PTPRD: variants seen among roughly 807,000 people sequenced by gnomAD.
PTPRD encodes the protein receptor-type tyrosine-protein phosphatase delta.
A neutral mutation model predicts 214.5 loss-of-function variants in PTPRD; 34 were observed. The observed-to-expected ratio is 0.16, with a 90% CI of 0.12 to 0.21. The LOEUF is 0.21. PTPRD is among the 10% of genes least tolerant of loss of function. The probability of loss-of-function intolerance (pLI) is 1.00; values close to 1 mark genes in which losing one functional copy is unlikely to be tolerated. For missense variants in PTPRD, 2,545 were observed against 2,398.7 expected (o/e 1.06, Z -1.27); for synonymous variants, 1,128 against 845.7 (o/e 1.33, Z -5.79).
chr9:10,362,536 G>A (rs541985152), intron 2 of PTPRD, among the ~76,000 whole-genome samples: 127 of 151,962 alleles, frequency 8.4e-4, no homozygotes, highest in Non-Finnish European at 1.3e-3. Flanking sequence ...TCTTACACAC[G>A]AATTTTCTCT....
chr9:8,895,896 C>G (rs2098605817), intron 11 of PTPRD, among the ~76,000 whole-genome samples: 1 of 152,186 alleles, frequency 6.6e-6, no homozygotes, highest in African/African-American at 2.4e-5. Context: ...AGCCGAATAG[C>G]ACTTGTTAAT....
intron 11 of PTPRD, among the ~76,000 whole-genome samples, chr9:8,766,334 A>G (rs545243020): frequency 1.4e-4 from 21 of 152,168 alleles, no homozygotes; most frequent in South Asian, 2.1e-4. Flanking sequence ...CAGTGTATCT[A>G]AAGTGTCCCA....
At chr9:9,285,426 C>T (rs1473725744) in intron 9 of PTPRD, among the ~76,000 whole-genome samples, 1 of 151,666 alleles carries the variant, frequency 6.6e-6, no homozygotes, top group African/African-American at 2.4e-5. Flanking sequence ...CAAACTATCA[C>T]TCAATATTTC....
At chr9:8,465,433 C>T in intron 32 of PTPRD, 33 bp downstream of exon 32, 3 of 1,583,056 alleles carry the variant, frequency 1.9e-6, no homozygotes, top group Non-Finnish European at 2.6e-6. Flanking sequence ...ATAAGCGTAC[C>T]ATAGGAAACA....
intron 10 of PTPRD, among the ~76,000 whole-genome samples, chr9:9,124,823 C>A (rs954918189): frequency 2.0e-5 from 3 of 152,166 alleles, no homozygotes; most frequent in Non-Finnish European, 4.4e-5. Flanking sequence ...CAAATCTGGG[C>A]AATTTTCCCT....
intron 3 of PTPRD, among the ~76,000 whole-genome samples, chr9:10,268,216 G>A (rs1369764610): frequency 6.7e-6 from 1 of 150,184 alleles, no homozygotes; most frequent in Non-Finnish European, 1.5e-5. Context: ...CTTGAACCCA[G>A]GAGTTGCAGG....
At chr9:10,496,896 T>C (rs1482011691) in intron 2 of PTPRD, among the ~76,000 whole-genome samples, 1 of 152,060 alleles carries the variant, frequency 6.6e-6, no homozygotes, top group Non-Finnish European at 1.5e-5. Flanking sequence ...TTTTCTCCCA[T>C]TCTGTAGACT....
At chr9:9,523,535 T>C (rs1008068481) in intron 8 of PTPRD, among the ~76,000 whole-genome samples, 5 of 152,190 alleles carry the variant, frequency 3.3e-5, no homozygotes, top group African/African-American at 1.2e-4. Context: ...ATCTATCTCT[T>C]TGCTTATCTA....
intron 23 of PTPRD, among the ~76,000 whole-genome samples, chr9:8,502,049 T>C (rs2097421732): frequency 6.6e-6 from 1 of 152,152 alleles, no homozygotes; most frequent in Non-Finnish European, 1.5e-5. Context: ...ATTCATACAA[T>C]GTAGGGTTTA....
chr9:8,962,469 T>G (rs190534192), intron 11 of PTPRD, among the ~76,000 whole-genome samples: 1 of 152,024 alleles, frequency 6.6e-6, no homozygotes, highest in African/African-American at 2.4e-5. Flanking sequence ...GGCAGTCATC[T>G]TCCCTACCAA....
intron 5 of PTPRD, among the ~76,000 whole-genome samples, chr9:9,869,498 G>A (rs2064885188): frequency 1.3e-5 from 2 of 152,140 alleles, no homozygotes; most frequent in African/African-American, 4.8e-5. Context: ...ATTGTAGAAC[G>A]TTCCACATGC....
intron 5 of PTPRD, among the ~76,000 whole-genome samples, chr9:9,827,433 C>G (rs569202093): frequency 6.6e-6 from 1 of 152,136 alleles, no homozygotes; most frequent in Admixed American, 6.6e-5. Flanking sequence ...ATAAATGGTG[C>G]TGGGAAAACT....
At chr9:10,123,372 G>T (rs929426733) in intron 3 of PTPRD, among the ~76,000 whole-genome samples, 1 of 152,134 alleles carries the variant, frequency 6.6e-6, no homozygotes, top group Non-Finnish European at 1.5e-5. Flanking sequence ...TGCTATTTTA[G>T]GTCTTTTGTA....
intron 11 of PTPRD, among the ~76,000 whole-genome samples, chr9:8,856,327 T>C (rs2097915024): frequency 2.0e-5 from 3 of 152,110 alleles, no homozygotes; most frequent in Admixed American, 6.5e-5. Context: ...ATACTGAAAA[T>C]GGTCAGAAGT....
intron 5 of PTPRD, among the ~76,000 whole-genome samples, chr9:9,907,850 T>G (rs2078041499): frequency 6.6e-6 from 1 of 152,052 alleles, no homozygotes; most frequent in Non-Finnish European, 1.5e-5. Context: ...AGTTGTCATT[T>G]TCATCACTCA....
chr9:8,390,521 G>T (rs2089119515), intron 36 of PTPRD, among the ~76,000 whole-genome samples: 1 of 148,592 alleles, frequency 6.7e-6, no homozygotes, highest in East Asian at 2.0e-4. Context: ...GATTAAGGTT[G>T]TAATTATATA....
At chr9:9,429,485 G>C (rs1412551507) in intron 8 of PTPRD, among the ~76,000 whole-genome samples, 1 of 152,078 alleles carries the variant, frequency 6.6e-6, no homozygotes, top group African/African-American at 2.4e-5. Flanking sequence ...AAGAGGAGCT[G>C]GTACCATTAC....
intron 14 of PTPRD, among the ~76,000 whole-genome samples, chr9:8,619,683 C>A (rs998264255): frequency 6.6e-6 from 1 of 151,844 alleles, no homozygotes; most frequent in Non-Finnish European, 1.5e-5. Context: ...CCAGGTTACA[C>A]AGAAACTCAA....
intron 8 of PTPRD, among the ~76,000 whole-genome samples, chr9:9,544,648 T>G (rs2078358364): frequency 6.6e-6 from 1 of 151,756 alleles, no homozygotes; most frequent in South Asian, 2.1e-4. Context: ...ATGCACTTTT[T>G]GCTTTCATAC....
Sources: allele counts gnomAD v4.1 joint callset (sites outside exome capture counted in the v4.1 genomes callset), GRCh38; gene constraint gnomAD v4.1.1; transcripts MANE v1.5; gene names NCBI Gene and HGNC (gene_info 2026-07-23, HGNC 2026-07-21).